Variants in INPP5A observed in about 807,000 individuals in gnomAD.
INPP5A encodes the protein inositol polyphosphate-5-phosphatase A, also known as 43 kDa inositol polyphosphate 5-phophatase.
Under a neutral mutation model 65.2 loss-of-function variants are expected in INPP5A, and 14 were observed. The ratio of observed to expected loss-of-function variants is 0.21; its 90% CI spans 0.14 to 0.34. The LOEUF is 0.34. INPP5A is among the 10% of genes least tolerant of loss of function. INPP5A has a pLI of 1.00. For synonymous variants in INPP5A, 207 were observed against 208.3 expected, an observed-to-expected ratio of 0.99 and a Z score of 0.05; for missense variants, 431 against 545.6, an observed-to-expected ratio of 0.79 and a Z score of 2.09.
intron 9 of INPP5A, among the ~76,000 whole-genome samples, chr10:132,743,759 T>G (rs1191795686): frequency 1.3e-5 from 2 of 152,168 alleles, no homozygotes; most frequent in African/African-American, 4.8e-5. Flanking sequence ...GCAGCCTCAC[T>G]GGAGCGCAGA....
intron 9 of INPP5A, among the ~76,000 whole-genome samples, chr10:132,734,716 T>G (rs1344127893): frequency 1.3e-5 from 2 of 152,240 alleles, no homozygotes; most frequent in Non-Finnish European, 2.9e-5. Context: ...GCCTGGCGGC[T>G]GCCTCCCCCA....
intron 11 of INPP5A, among the ~76,000 whole-genome samples, chr10:132,765,292 G>GC (rs936422972): frequency 6.6e-6 from 1 of 152,196 alleles, no homozygotes; most frequent in African/African-American, 2.4e-5. Flanking sequence ...TGAACATTTT[G>GC]CCCCCGAACT....
chr10:132,633,833 A>C (rs141800510), intron 2 of INPP5A, among the ~76,000 whole-genome samples: 1,997 of 152,338 alleles, frequency 0.013, 41 homozygotes, highest in African/African-American at 0.044. Flanking sequence ...GAGCACGTTC[A>C]GCAAACTTAT....
chr10:132,559,713 G>A (rs768934867), intron 1 of INPP5A, among the ~76,000 whole-genome samples: 1 of 152,132 alleles, frequency 6.6e-6, no homozygotes, highest in Non-Finnish European at 1.5e-5. Flanking sequence ...TACTCAGCAC[G>A]TGTGTTCCAG....
chr10:132,720,941 G>A (rs1192088020), intron 8 of INPP5A, among the ~76,000 whole-genome samples: 1 of 149,414 alleles, frequency 6.7e-6, no homozygotes, highest in Non-Finnish European at 1.5e-5. Context: ...CCTGGGTTCT[G>A]TCTGGGCGCC....
chr10:132,539,736 T>C (rs908469501), intron 1 of INPP5A, among the ~76,000 whole-genome samples: 3 of 150,120 alleles, frequency 2.0e-5, no homozygotes, highest in African/African-American at 4.9e-5. Flanking sequence ...GCACCAGCTT[T>C]ATGACGGATG....
chr10:132,658,213 C>CAT (rs747624270), intron 4 of INPP5A, among the ~76,000 whole-genome samples: 4 of 152,198 alleles, frequency 2.6e-5, no homozygotes, highest in Admixed American at 6.5e-5. Flanking sequence ...ATAAATGTGT[C>CAT]AGAGTCCAGG....
At chr10:132,562,070 C>T (rs1564916739) in intron 1 of INPP5A, among the ~76,000 whole-genome samples, 1 of 152,238 alleles carries the variant, frequency 6.6e-6, no homozygotes, top group African/African-American at 2.4e-5. Context: ...CAGGTGGTGC[C>T]CAGGAAGGGC....
At chr10:132,563,877 A>G (rs1188770363) in intron 1 of INPP5A, among the ~76,000 whole-genome samples, 1 of 152,058 alleles carries the variant, frequency 6.6e-6, no homozygotes, top group Non-Finnish European at 1.5e-5. Flanking sequence ...AGGCGTATTC[A>G]CTTCCATGGT....
intron 11 of INPP5A, 149 bp from the exon 12 acceptor site, chr10:132,765,624 A>G: frequency 1.6e-6 from 1 of 633,542 alleles, no homozygotes; most frequent in Non-Finnish European, 2.9e-6. Flanking sequence ...GCCTGCTGGC[A>G]CCACAGAGCT....
rs1847202108 is a variant in INPP5A, at chr10:132,783,386, T to G, written c.*1357T>G. On this transcript the variant is annotated 3_prime_UTR_variant, in exon 16 of 16. Transcript: ENST00000368594. ...CCGCTGTCCGCGGTTCAACACGGAG[T>G]CCGCCCCGCGGGTTTCAGCTGTTGG... 6.6e-6 allele frequency: 1 copy of G among 152,338 alleles called. No individual in the cohort carries two copies. Among genetic ancestry groups the G allele is most frequent in the Non-Finnish European group, 1.5e-5 (1 of 68,034 alleles). The allele number at this position is 152,338 out of a possible 1,614,324, so 9.4% of individuals were successfully genotyped here. A position where few individuals can be genotyped will look rare whatever the true frequency, so the allele number is the denominator to read the frequency against.
chr10:132,557,541 G>A (rs1028195814), intron 1 of INPP5A, among the ~76,000 whole-genome samples: 1 of 152,242 alleles, frequency 6.6e-6, no homozygotes, highest in Admixed American at 6.5e-5. Flanking sequence ...GTGTAGGGCC[G>A]AGTCAATTTT....
At chr10:132,628,479 C>T (rs1264875582) in intron 2 of INPP5A, among the ~76,000 whole-genome samples, 4 of 50,884 alleles carry the variant, frequency 7.9e-5, no homozygotes, top group Admixed American at 2.2e-4. Flanking sequence ...GGGGGGGGGG[C>T]GTGGCGTGGG....
intron 12 of INPP5A, among the ~76,000 whole-genome samples, chr10:132,774,846 GGGAGAGAC>G (rs1847019450): frequency 1.1e-5 from 1 of 91,054 alleles, no homozygotes; most frequent in Admixed American, 1.1e-4. Context: ...GAGAGGGGTA[GGGAGAGAC>G]GGGCAGGGAG....
At chr10:132,629,305 G>C (rs1244321841) in intron 2 of INPP5A, among the ~76,000 whole-genome samples, 1 of 152,218 alleles carries the variant, frequency 6.6e-6, no homozygotes, top group East Asian at 1.9e-4. Flanking sequence ...GGGAACCCCA[G>C]CTCTGTTGTA....
At chr10:132,715,013 C>T (rs1024901875) in intron 8 of INPP5A, among the ~76,000 whole-genome samples, 1 of 152,112 alleles carries the variant, frequency 6.6e-6, no homozygotes, top group African/African-American at 2.4e-5. Flanking sequence ...TGGGTGAGGC[C>T]GGGCCGTGCA....
chr10:132,667,408 C>A (rs1199810745), intron 4 of INPP5A, among the ~76,000 whole-genome samples: 1 of 152,200 alleles, frequency 6.6e-6, no homozygotes, highest in East Asian at 1.9e-4. Flanking sequence ...CAGTTTTCAT[C>A]TATTATCACA....
At position 132,705,495 on chromosome 10, in the gene INPP5A, C is replaced by T. The variant is rs1404691116; in HGVS notation, c.475-2818C>T. On this transcript the variant is annotated intron_variant, in intron 6 of 15. Coordinates refer to ENST00000368594, the MANE Select transcript of INPP5A (RefSeq NM_005539.5). This position sits in a 1 kb window ranked among gnomAD's most constrained non-coding sequence, Gnocchi z 4.9. ...TGTGGGCTCAGTACCAGAGCCAGCT[C>T]GTGGTGTGAGGACGGATCCTCCTCG... 1.3e-5 allele frequency among the ~76,000 whole-genome samples: 2 copies of T among 152,214 alleles called. No individual in the cohort carries two copies. The highest frequency in any genetic ancestry group is 1.5e-5 in the Non-Finnish European group (1 of 68,038).
chr10:132,640,155 T>C (rs1405785709), intron 2 of INPP5A, among the ~76,000 whole-genome samples: 1 of 152,224 alleles, frequency 6.6e-6, no homozygotes, highest in Non-Finnish European at 1.5e-5. Context: ...GGATGCTGCG[T>C]TGTATAGACA....
Sources: gnomAD v4.1 joint callset for allele counts (sites outside exome capture counted in the v4.1 genomes callset) on GRCh38, gnomAD v4.1.1 for gene constraint, Gnocchi (gnomAD v3.1) non-coding constraint, MANE v1.5 for transcripts, NCBI Gene and HGNC (gene_info 2026-07-23, HGNC 2026-07-21) for gene names.